Variants in SLIT1 observed in about 807,000 individuals in gnomAD.
SLIT1 encodes the protein slit guidance ligand 1.
Under a neutral mutation model 186.1 loss-of-function variants are expected in SLIT1, and 66 were observed. That is an observed-to-expected ratio of 0.35 (90% CI 0.29 to 0.44). The LOEUF (loss-of-function observed/expected upper bound fraction) is 0.44, where lower values mean the gene tolerates loss of function less well. Among genes scored for constraint, SLIT1 ranks in the 20% least tolerant of loss-of-function variants. SLIT1 has a pLI of 1.00. For missense variants in SLIT1, 1,638 were observed against 2,037.4 expected, an observed-to-expected ratio of 0.80 and a Z score of 3.77; for synonymous variants, 761 against 833.8, an observed-to-expected ratio of 0.91 and a Z score of 1.50.
rs148143886 is a variant in SLIT1, at chr10:97,149,584, A to G, written c.413+8234T>C. Reference sequence around the variant, plus strand: ...CAGATAAAGAGAGGTTTGATGATGCAGATTCTTGGGCCCTTCCACACTGAC... The same window carrying G: ...CAGATAAAGAGAGGTTTGATGATGCGGATTCTTGGGCCCTTCCACACTGAC... On this transcript the variant is annotated intron_variant, in intron 4 of 36. Transcript: ENST00000266058. 3.9e-3 allele frequency among the ~76,000 whole-genome samples: 588 copies of G among 151,056 alleles called. 4 individuals carry two copies. The highest frequency in any genetic ancestry group is 0.013 in the African/African-American group (556 of 41,378).
rs1848335670 is a variant in SLIT1 at position 97,004,008 on chromosome 10, C to T, written c.3865+60G>A. 13 of 1,460,192 alleles carry T rather than the reference C, an allele frequency of 8.9e-6. No individual in the cohort carries two copies. Among genetic ancestry groups the T allele is most frequent in the Admixed American group, 3.9e-5 (2 of 51,872 alleles). The allele number at this position is 1,460,192 out of a possible 1,614,324, so 90.5% of individuals were successfully genotyped here. On this transcript the variant is annotated intron_variant, in intron 34 of 36. Coordinates refer to ENST00000266058, the MANE Select transcript of SLIT1 (RefSeq NM_003061.3). This position sits in a 1 kb window ranked among gnomAD's most constrained non-coding sequence, Gnocchi z 5.1. ...CCACAGTGCAGTCCCTAGGCACCAG[C>T]TCTCCTGGCTGGCCTCAGGCCAGAC...
intron 4 of SLIT1, among the ~76,000 whole-genome samples, chr10:97,121,456 G>A (rs1043857690): frequency 6.6e-6 from 1 of 152,138 alleles, no homozygotes; most frequent in African/African-American, 2.4e-5. Context: ...CAGGGCCTGT[G>A]GAAGTGCCGT....
chr10:97,119,618 G>C (rs112318505), intron 4 of SLIT1, among the ~76,000 whole-genome samples: 1 of 151,794 alleles, frequency 6.6e-6, no homozygotes, highest in African/African-American at 2.4e-5. Context: ...CTCAGGAGAC[G>C]GCGCCTTGGG....
intron 4 of SLIT1, among the ~76,000 whole-genome samples, chr10:97,129,113 C>T (rs1224982440): frequency 6.6e-6 from 1 of 152,018 alleles, no homozygotes; most frequent in African/African-American, 2.4e-5. Flanking sequence ...GTTAAAGAAG[C>T]TAATATGGCC....
At chr10:97,161,533 T>C (rs1850026080) in intron 3 of SLIT1, among the ~76,000 whole-genome samples, 1 of 152,202 alleles carries the variant, frequency 6.6e-6, no homozygotes, top group Non-Finnish European at 1.5e-5. Context: ...TCCCAGCACT[T>C]TGGGAGGCCA....
intron 4 of SLIT1, among the ~76,000 whole-genome samples, chr10:97,109,439 C>T (rs897403026): frequency 7.8e-4 from 118 of 152,010 alleles, no homozygotes; most frequent in African/African-American, 2.8e-3. Context: ...AGGACTGCCT[C>T]CAAGATGCTC....
intron 10 of SLIT1, among the ~76,000 whole-genome samples, 188 bp from the exon 11 acceptor site, chr10:97,059,719 G>T (rs1336071403): frequency 6.6e-6 from 1 of 152,156 alleles, no homozygotes; most frequent in Non-Finnish European, 1.5e-5. Flanking sequence ...CAGTCTGAGG[G>T]CTGGGCAGGA....
chr10:97,013,860 G>A, intron 29 of SLIT1, 26 bp from the exon 30 acceptor site: 11 of 1,547,048 alleles, frequency 7.1e-6, no homozygotes, highest in Non-Finnish European at 9.6e-6. Flanking sequence ...GCAAGGGGCA[G>A]GAGAGAAGCT....
At position 97,002,894 on chromosome 10, in the gene SLIT1, CGTT is replaced by C; in HGVS notation, c.3961_3963del (p.Asn1321del). 1 of 1,614,202 alleles carries C rather than the reference CGTT, an allele frequency of 6.2e-7. No homozygotes were observed. Among genetic ancestry groups the C allele is most frequent in the East Asian group, 2.2e-5 (1 of 44,882 alleles). On this transcript the variant is annotated inframe_deletion, in exon 35 of 37. Transcript: ENST00000266058. ...TGCGTCTTGGTGAAGTCCTGCAGCT[CGTT>C]GTTGATGTACAGGTTTCGGATGCAA...
At chr10:97,015,924 G>A (rs985588437) in intron 28 of SLIT1, among the ~76,000 whole-genome samples, 6 of 152,134 alleles carry the variant, frequency 3.9e-5, no homozygotes, top group African/African-American at 9.7e-5. Context: ...AGGAGGGTAA[G>A]GAGTAAAATG....
intron 4 of SLIT1, among the ~76,000 whole-genome samples, chr10:97,142,293 A>G (rs1564686718): frequency 1.3e-5 from 2 of 152,214 alleles, no homozygotes. Context: ...CAAATAGACC[A>G]ATGGAATAGA....
chr10:97,059,599 C>A, intron 10 of SLIT1, 68 bp from the exon 11 acceptor site: 1 of 1,150,520 alleles, frequency 8.7e-7, no homozygotes. Context: ...TGCCCAGTCC[C>A]CTCCACCTCC....
chr10:97,102,430 AAAAAAAAAG>A (rs1316835520), intron 4 of SLIT1: 3 of 135,876 alleles, frequency 2.2e-5, no homozygotes, highest in African/African-American at 2.5e-5. Context: ...GTCAAAAAAA[AAAAAAAAAG>A]AAAGAAAGAA....
chr10:97,083,860 C>T (rs572319431), intron 4 of SLIT1, among the ~76,000 whole-genome samples: 71 of 152,302 alleles, frequency 4.7e-4, no homozygotes, highest in African/African-American at 1.7e-3. Flanking sequence ...ACACTGCTTC[C>T]TTGAGGTCTC....
At position 97,037,117 on chromosome 10, in the gene SLIT1, G is replaced by A. The variant is rs901724217; in HGVS notation, c.2366+581C>T. Among the ~76,000 whole-genome samples, 5 of 138,822 alleles carry A rather than the reference G, an allele frequency of 3.6e-5. No homozygotes were observed. In the East Asian group the frequency reaches 7.2e-4, roughly 20 times the overall value. 91.1% of individuals were successfully genotyped at this position (138,822 alleles called of 152,430 possible). On this transcript the variant is annotated intron_variant, in intron 22 of 36. Coordinates refer to ENST00000266058, the MANE Select transcript of SLIT1 (RefSeq NM_003061.3). ...GTGTGTGTATGTGTGTGTGTGTGAC[G>A]GAGTTTTGCTCTTGTTGCCCAGGCT...
chr10:97,057,141 G>C, intron 12 of SLIT1, 69 bp downstream of exon 12: 1 of 1,282,690 alleles, frequency 7.8e-7, no homozygotes, highest in Admixed American at 1.7e-5. Context: ...TAAAGGGACA[G>C]TCTAGCAGGC....
intron 24 of SLIT1, among the ~76,000 whole-genome samples, chr10:97,031,124 G>A (rs879825996): frequency 4.6e-5 from 7 of 152,178 alleles, no homozygotes; most frequent in Non-Finnish European, 8.8e-5. Context: ...AAGGGGGGAG[G>A]CGCTTCTTCT....
intron 1 of SLIT1, among the ~76,000 whole-genome samples, chr10:97,166,424 G>A (rs1285471761): frequency 6.6e-6 from 1 of 151,510 alleles, no homozygotes; most frequent in Admixed American, 6.6e-5. Context: ...GCTGAGGCAG[G>A]AGAACTGCTT....
At chr10:97,139,777 C>A (rs1849739618) in intron 4 of SLIT1, among the ~76,000 whole-genome samples, 1 of 152,180 alleles carries the variant, frequency 6.6e-6, no homozygotes, top group East Asian at 1.9e-4. Flanking sequence ...ATCTTTGGGT[C>A]CCCTACAAGG....
Sources: gnomAD v4.1 joint callset for allele counts (sites outside exome capture counted in the v4.1 genomes callset) on GRCh38, gnomAD v4.1.1 for gene constraint, Gnocchi (gnomAD v3.1) non-coding constraint, MANE v1.5 for transcripts, NCBI Gene and HGNC (gene_info 2026-07-23, HGNC 2026-07-21) for gene names.